The following EIF4G3 variants were observed in gnomAD, a reference collection of about 807,000 sequenced individuals.
EIF4G3 encodes eIF-4-gamma 3.
Under a neutral mutation model 186.4 loss-of-function variants are expected in EIF4G3, and 34 were observed. That is an observed-to-expected ratio of 0.18 (90% CI 0.14 to 0.24). The LOEUF (loss-of-function observed/expected upper bound fraction) is 0.24. EIF4G3 is among the 10% of genes least tolerant of loss of function. The probability of loss-of-function intolerance (pLI) is 1.00; values close to 1 mark genes in which losing one functional copy is unlikely to be tolerated. For synonymous variants in EIF4G3, 673 were observed against 679.5 expected (o/e 0.99, Z 0.15); for missense variants, 1,536 against 1,948.5 (o/e 0.79, Z 3.99).
chr1:21,129,921 G>A (rs1159230514), intron 2 of EIF4G3, among the ~76,000 whole-genome samples: 4 of 152,094 alleles, frequency 2.6e-5, no homozygotes, highest in Non-Finnish European at 4.4e-5. Context: ...ACATCTATGA[G>A]GCCAGATACA....
intron 13 of EIF4G3, among the ~76,000 whole-genome samples, chr1:20,946,701 A>G (rs1370873099): frequency 6.6e-6 from 1 of 152,158 alleles, no homozygotes; most frequent in East Asian, 1.9e-4. Flanking sequence ...CCTATTTTAC[A>G]TATGAGGAAA....
intron 12 of EIF4G3, among the ~76,000 whole-genome samples, chr1:20,967,016 C>G (rs751024081): frequency 2.6e-5 from 4 of 152,148 alleles, no homozygotes; most frequent in African/African-American, 7.2e-5. Context: ...GACTGATGGC[C>G]TTCATCTGTT....
chr1:20,917,026 A>G (rs1302640308), intron 14 of EIF4G3, among the ~76,000 whole-genome samples: 1 of 152,232 alleles, frequency 6.6e-6, no homozygotes, highest in Non-Finnish European at 1.5e-5. Flanking sequence ...ATGTCCATAC[A>G]AAGACTTGTA....
intron 2 of EIF4G3, among the ~76,000 whole-genome samples, chr1:21,165,329 A>T (rs2097839751): frequency 6.6e-6 from 1 of 152,228 alleles, no homozygotes; most frequent in Non-Finnish European, 1.5e-5. Flanking sequence ...CTATACCCCA[A>T]GGTATATACT....
Position 20,942,091 on chromosome 1 carries a change from C to T in EIF4G3, c.1063G>A (p.Asp355Asn), listed in dbSNP as rs760512131. 3 of 1,614,118 alleles carry T rather than the reference C, an allele frequency of 1.9e-6. No homozygotes were observed. Among genetic ancestry groups the T allele is most frequent in the Non-Finnish European group, 1.7e-6 (2 of 1,180,000 alleles). The change falls in exon 14 of 37, where the codon GAC becomes AAC. Residue 355 changes from aspartate (D) to asparagine (N), a missense_variant. By Grantham distance (23) the Asp-to-Asn change is conservative (BLOSUM62 1). Transcript: ENST00000602326. Reference protein sequence around the residue: ...SQPIFTTAIDDRCELSSPRED... With the variant: ...SQPIFTTAIDNRCELSSPRED... ...CTTGGGGATGAGAGTTCACATCTGT[C>T]ATCTATAGCAGTGGTGAATATTGGT... is the stretch of plus-strand genomic sequence containing the variant.
intron 12 of EIF4G3, among the ~76,000 whole-genome samples, chr1:20,968,026 G>T (rs2154565326): frequency 6.6e-6 from 1 of 152,274 alleles, no homozygotes. Context: ...GGATCCTCCT[G>T]TTTAGCCTCC....
intron 2 of EIF4G3, among the ~76,000 whole-genome samples, chr1:21,158,676 T>C (rs1317475480): frequency 1.3e-5 from 2 of 152,034 alleles, no homozygotes; most frequent in African/African-American, 4.8e-5. Flanking sequence ...CTCAAGAAGC[T>C]GAGGCAGTAG....
intron 6 of EIF4G3, chr1:20,999,768 T>C (rs943039885): frequency 2.2e-6 from 1 of 448,220 alleles, no homozygotes; most frequent in African/African-American, 2.0e-5. Flanking sequence ...CTTAATCCTA[T>C]GGGTAGCTGT....
At chr1:21,077,968 TAA>T (rs1447866047) in intron 3 of EIF4G3, among the ~76,000 whole-genome samples, 1 of 150,002 alleles carries the variant, frequency 6.7e-6, no homozygotes, top group Non-Finnish European at 1.5e-5. Flanking sequence ...CATAAGTTAG[TAA>T]GGCCACTAAG....
At chr1:20,962,918 T>C (rs7522934) in intron 12 of EIF4G3, among the ~76,000 whole-genome samples, 3 of 140,364 alleles carry the variant, frequency 2.1e-5, no homozygotes, top group Admixed American at 7.2e-5. Context: ...GTTTTTTTTT[T>C]GTTTTTTTTT....
chr1:20,900,764 C>G (rs185412351), intron 15 of EIF4G3, among the ~76,000 whole-genome samples: 1 of 152,136 alleles, frequency 6.6e-6, no homozygotes, highest in Non-Finnish European at 1.5e-5. Flanking sequence ...GAAACAACTA[C>G]TCAGAGGTGT....
chr1:21,027,954 TAAAA>T (rs2092344014), intron 4 of EIF4G3, among the ~76,000 whole-genome samples: 1 of 152,112 alleles, frequency 6.6e-6, no homozygotes. Flanking sequence ...ACATTAGCCT[TAAAA>T]AGAAAGGGAA....
intron 2 of EIF4G3, among the ~76,000 whole-genome samples, chr1:21,163,773 T>C (rs2102983962): frequency 6.6e-6 from 1 of 152,222 alleles, no homozygotes; most frequent in Non-Finnish European, 1.5e-5. Flanking sequence ...TTTTTGTTTG[T>C]TTTGTTTTGT....
intron 4 of EIF4G3, among the ~76,000 whole-genome samples, chr1:21,024,247 C>T (rs1198628514): frequency 2.6e-5 from 4 of 151,070 alleles, no homozygotes; most frequent in African/African-American, 9.7e-5. Flanking sequence ...CGGCCAGCCG[C>T]CCCGTCCGGG....
At chr1:20,855,335 T>G (rs2074563460) in intron 25 of EIF4G3, among the ~76,000 whole-genome samples, 1 of 152,204 alleles carries the variant, frequency 6.6e-6, no homozygotes, top group Admixed American at 6.5e-5. Flanking sequence ...TTAAGATGGT[T>G]TATGAATTTG....
intron 12 of EIF4G3, among the ~76,000 whole-genome samples, chr1:20,953,362 T>C (rs182553358): frequency 1.1e-4 from 16 of 151,696 alleles, no homozygotes; most frequent in Admixed American, 5.3e-4. Context: ...GTGAAAAGAG[T>C]TTAAGGGAGG....
At chr1:21,068,218 C>CA (rs1310265638) in intron 3 of EIF4G3, among the ~76,000 whole-genome samples, 1 of 151,088 alleles carries the variant, frequency 6.6e-6, no homozygotes, top group African/African-American at 2.4e-5. Flanking sequence ...ACTAAAAATA[C>CA]AAAAAATTAG....
chr1:21,022,891 T>C (rs895777109), intron 4 of EIF4G3, among the ~76,000 whole-genome samples: 2 of 152,190 alleles, frequency 1.3e-5, no homozygotes, highest in Non-Finnish European at 2.9e-5. Context: ...TTCCCTGAAT[T>C]ACATGGTAAA....
chr1:21,075,334 C>A (rs2095553377), intron 3 of EIF4G3, among the ~76,000 whole-genome samples: 1 of 151,838 alleles, frequency 6.6e-6, no homozygotes, highest in South Asian at 2.1e-4. Flanking sequence ...TTTGGAAGGC[C>A]AAGGTGGGCA....
Sources: allele counts gnomAD v4.1 joint callset (sites outside exome capture counted in the v4.1 genomes callset), GRCh38; gene constraint gnomAD v4.1.1; transcripts MANE v1.5; gene names NCBI Gene and HGNC (gene_info 2026-07-23, HGNC 2026-07-21).